Variants in LCN9 observed in about 807,000 individuals in gnomAD.
LCN9 encodes epididymal-specific lipocalin-9.
LCN9 carries 22 observed loss-of-function variants against 18.5 expected under a neutral mutation model. That is an observed-to-expected ratio of 1.19 (90% CI 0.85 to 1.70). LCN9 has a LOEUF of 1.70. Among genes scored for constraint, LCN9 ranks in the 40% most tolerant of loss-of-function variants. The pLI, the probability that LCN9 is intolerant of heterozygous loss-of-function variation, is 0.00. For synonymous variants in LCN9, 89 were observed against 83.0 expected, an observed-to-expected ratio of 1.07 and a Z score of -0.39; for missense variants, 202 against 201.3, an observed-to-expected ratio of 1.00 and a Z score of -0.02.
At chr9:135,666,080 T>G in exon 6 of LCN9, 6 of 1,599,414 alleles carry the variant, frequency 3.8e-6, no homozygotes, top group Non-Finnish European at 5.1e-6. Flanking sequence ...GTCGGGGCAG[T>G]GATGGGGCCT....
In LCN9 at chr9:135,664,672, G is replaced by A. The variant is rs758845902; in HGVS notation, c.234-50G>A. 3.3e-5 allele frequency: 49 copies of A among 1,498,030 alleles called. No individual in the cohort carries two copies. Among genetic ancestry groups the A allele is most frequent in the Admixed American group, 2.5e-4 (11 of 43,842 alleles). 92.8% of individuals were successfully genotyped at this position (1,498,030 alleles called of 1,614,324 possible). On this transcript the variant is annotated intron_variant, in intron 2 of 5. Transcript: ENST00000619315. The surrounding 1 kb of genome is among the most constrained non-coding windows in gnomAD (Gnocchi z 4.5). ...GGAGGGGTGCTCTCTGCCATCGCAC[G>A]TCCAGGGGGCTGGAGCTCCACTCCC...
Position 135,665,083 on chromosome 9 carries a change from G to GC in LCN9, c.308-157dup. ...GGAGGGGGCTGTGCCGCTGCTGCCC[G>GC]CCCCCTGTGCAGGGGTCTCCGCTGG... On this transcript the variant is annotated intron_variant, in intron 3 of 5. Coordinates refer to ENST00000619315, the Ensembl canonical transcript of LCN9. The surrounding 1 kb of genome is among the most constrained non-coding windows in gnomAD (Gnocchi z 5.9). 1 of 644,066 alleles carries GC rather than the reference G, an allele frequency of 1.6e-6. No homozygotes were observed. The highest frequency in any genetic ancestry group is 2.8e-6 in the Non-Finnish European group (1 of 362,414). 39.9% of individuals were successfully genotyped at this position (644,066 alleles called of 1,614,324 possible).
At position 135,665,584 on chromosome 9, in the gene LCN9, C is replaced by A; in HGVS notation, c.419-104C>A. The A allele has an allele frequency of 8.5e-7, 1 of 1,180,320 alleles. No individual in the cohort carries two copies. Among genetic ancestry groups the A allele is most frequent in the South Asian group, 1.4e-5 (1 of 72,520 alleles). 73.1% of individuals were successfully genotyped at this position (1,180,320 alleles called of 1,614,324 possible). ...TCTGGTCAGGGCGTGACCCCCTGCC[C>A]AGCCTCAGCACTTCCTGAGCACCCC... On this transcript the variant is annotated intron_variant, in intron 4 of 5. Coordinates refer to ENST00000619315, the Ensembl canonical transcript of LCN9. The surrounding 1 kb of genome is among the most constrained non-coding windows in gnomAD (Gnocchi z 5.9).
chr9:135,664,859 C>T lies in LCN9; in HGVS notation c.307+64C>T. ...GGGTCTCCTTTCTCCAGGGCCTGGG[C>T]CATATTCTGGTGAGCACTGACTCTG... On this transcript the variant is annotated intron_variant, in intron 3 of 5. Coordinates refer to ENST00000619315, the Ensembl canonical transcript of LCN9. The surrounding 1 kb of genome is among the most constrained non-coding windows in gnomAD (Gnocchi z 4.5). 6.7e-7 allele frequency: 1 copy of T among 1,488,838 alleles called. No homozygotes were observed. Among genetic ancestry groups the T allele is most frequent in the Non-Finnish European group, 9.1e-7 (1 of 1,094,454 alleles). 92.2% of individuals were successfully genotyped at this position (1,488,838 alleles called of 1,614,324 possible).
At chr9:135,666,288 G>C (rs565270420) in exon 6 of LCN9, 3 of 700,290 alleles carry the variant, frequency 4.3e-6, no homozygotes, top group Admixed American at 3.0e-5. Context: ...TGCCTCTTCC[G>C]GCTGCTGGGG....
rs1395626057 is a variant in LCN9, at chr9:135,663,899, G to A, written c.97-263G>A. ...CAGAGGGGGGACCTTGGGATCAAAG[G>A]GGGGATCTGGGGACATAGGGGAGAC... On this transcript the variant is annotated intron_variant, in intron 1 of 5. Transcript: ENST00000619315. 2.1e-5 allele frequency among the ~76,000 whole-genome samples: 3 copies of A among 141,878 alleles called. No homozygotes were observed. In the East Asian group the frequency reaches 6.3e-4, roughly 30 times the overall value. 93.1% of individuals were successfully genotyped at this position (141,878 alleles called of 152,430 possible).
At chr9:135,666,844 C>A (rs1834233593) in exon 6 of LCN9, among the ~76,000 whole-genome samples, 1 of 143,556 alleles carries the variant, frequency 7.0e-6, no homozygotes, top group Non-Finnish European at 1.5e-5. Flanking sequence ...CCCCTCCTGT[C>A]CCCTCCCTGG....
Position 135,665,805 on chromosome 9 carries a change from G to C in LCN9, c.*9+53G>C. 1 of 1,612,206 alleles carries C rather than the reference G, an allele frequency of 6.2e-7. No individual in the cohort carries two copies. The highest frequency in any genetic ancestry group is 8.5e-7 in the Non-Finnish European group (1 of 1,179,178). ...GGGAGCCGGGACAGGGTGGGGATGGGAGGTGTGCCTGCGGGGTCCCTGTCC... is the reference window on the plus strand; with the variant it reads ...GGGAGCCGGGACAGGGTGGGGATGGCAGGTGTGCCTGCGGGGTCCCTGTCC... On this transcript the variant is annotated intron_variant, in intron 5 of 5. Transcript: ENST00000619315. The surrounding 1 kb of genome is among the most constrained non-coding windows in gnomAD (Gnocchi z 5.9).
chr9:135,664,744 G>A lies in LCN9; in HGVS notation c.256G>A (p.Val86Met), dbSNP rs1442256984. 2 of 1,598,672 alleles carry A rather than the reference G, an allele frequency of 1.3e-6. No individual in the cohort carries two copies. Among genetic ancestry groups the A allele is most frequent in the Admixed American group, 1.7e-5 (1 of 57,562 alleles). Residue 86 changes from valine to methionine, a missense_variant, in exon 3 of 6, where the codon GTG (valine) becomes ATG (methionine). Transcript: ENST00000619315. The surrounding 1 kb of genome is among the most constrained non-coding windows in gnomAD (Gnocchi z 4.5). ...CAGGGTGCAGGGGGAGTGTGTGGCTGTGGTCGTGGTCTGCGAGAAGACAGA... is the reference window on the plus strand; with the variant it reads ...CAGGGTGCAGGGGGAGTGTGTGGCTATGGTCGTGGTCTGCGAGAAGACAGA...
At chr9:135,663,493 A>G in intron 1 of LCN9, 76 bp downstream of exon 1, 1 of 1,273,874 alleles carries the variant, frequency 7.9e-7, no homozygotes, top group South Asian at 1.2e-5. Flanking sequence ...GGGGTCTCTG[A>G]CCTGTGACCA....
rs770181894 is a variant in LCN9 at position 135,665,905 on chromosome 9, A to G, written c.*54A>G. 2 of 1,612,094 alleles carry G rather than the reference A, an allele frequency of 1.2e-6. No homozygotes were observed. The highest frequency in any genetic ancestry group is 1.7e-6 in the Non-Finnish European group (2 of 1,179,388). The stretch of plus-strand genomic sequence containing the variant: ...TTACAGGAGCCCGCCCAGGCCTCCC[A>G]TGCGTGAGCTGCGACTCGGGACGGG... On this transcript the variant is annotated 3_prime_UTR_variant, in exon 6 of 6. Transcript: ENST00000619315. This position sits in a 1 kb window ranked among gnomAD's most constrained non-coding sequence, Gnocchi z 5.9.
At chr9:135,666,160 C>T (rs1395389099) in exon 6 of LCN9, 2 of 1,571,216 alleles carry the variant, frequency 1.3e-6, no homozygotes, top group Non-Finnish European at 8.6e-7. Flanking sequence ...CTGATGTCAC[C>T]ATATGCGGGT....
chr9:135,663,405 C>A lies in LCN9; in HGVS notation c.84C>A (p.Tyr28Ter). The change falls in exon 1 of 6, where the codon TAC (tyrosine) becomes TAA (stop). Residue 28 changes from tyrosine to a stop codon, truncating the protein, a stop_gained. Coordinates refer to ENST00000619315, the Ensembl canonical transcript of LCN9. LOFTEE classifies it high-confidence loss of function. The stretch of plus-strand genomic sequence containing the variant: ...CCCACACCGTTATGCAGAGGAACTA[C>A]AACGTGGCCAGGGTGTGTCTGCGTT... 6.2e-7 allele frequency: 1 copy of A among 1,613,858 alleles called. No homozygotes were observed. Among genetic ancestry groups the A allele is most frequent in the African/African-American group, 1.3e-5 (1 of 75,044 alleles).
In LCN9 at chr9:135,664,403, C is replaced by T; in HGVS notation, c.233+105C>T. On this transcript the variant is annotated intron_variant, in intron 2 of 5. Transcript: ENST00000619315. This position sits in a 1 kb window ranked among gnomAD's most constrained non-coding sequence, Gnocchi z 4.5. ...ACACGCTCGCACACTCACTGACTTG[C>T]ACTCTGGTGAGAGCCTGAGCCTGTG... 1 of 1,433,712 alleles carries T rather than the reference C, an allele frequency of 7.0e-7. No homozygotes were observed. The highest frequency in any genetic ancestry group is 1.2e-5 in the South Asian group (1 of 80,806). The allele number at this position is 1,433,712 out of a possible 1,614,324, so 88.8% of individuals were successfully genotyped here.
At position 135,664,898 on chromosome 9, in the gene LCN9, A is replaced by G; in HGVS notation, c.307+103A>G. 2 of 1,225,446 alleles carry G rather than the reference A, an allele frequency of 1.6e-6. No homozygotes were observed. Among genetic ancestry groups the G allele is most frequent in the Non-Finnish European group, 2.3e-6 (2 of 871,712 alleles). 75.9% of individuals were successfully genotyped at this position (1,225,446 alleles called of 1,614,324 possible). On this transcript the variant is annotated intron_variant, in intron 3 of 5. Coordinates refer to ENST00000619315, the Ensembl canonical transcript of LCN9. This position sits in a 1 kb window ranked among gnomAD's most constrained non-coding sequence, Gnocchi z 4.5. Reference sequence around the variant, plus strand: ...GCACTGACTCTGGGGATTTTAGTTAAGCCCCTGACAGCTTGACCCTGAACT... The same window carrying G: ...GCACTGACTCTGGGGATTTTAGTTAGGCCCCTGACAGCTTGACCCTGAACT...
Position 135,664,440 on chromosome 9 carries a change from T to C in LCN9, c.233+142T>C, listed in dbSNP as rs1834183145. The C allele has an allele frequency of 8.8e-7, 1 of 1,139,534 alleles. No individual in the cohort carries two copies. Among genetic ancestry groups the C allele is most frequent in the Non-Finnish European group, 1.3e-6 (1 of 784,746 alleles). The allele number at this position is 1,139,534 out of a possible 1,614,324, so 70.6% of individuals were successfully genotyped here. A position where few individuals can be genotyped will look rare whatever the true frequency, so the allele number is the denominator to read the frequency against. On this transcript the variant is annotated intron_variant, in intron 2 of 5. Coordinates refer to ENST00000619315, the Ensembl canonical transcript of LCN9. This position sits in a 1 kb window ranked among gnomAD's most constrained non-coding sequence, Gnocchi z 4.5. ...AGCCTGAGCCTGTGCGTGTGACCCT[T>C]GGGGGCAGGGTGAGGTGGGAGCAGG...
At chr9:135,663,588 G>C (rs1225116680) in intron 1 of LCN9, among the ~76,000 whole-genome samples, 171 bp downstream of exon 1, 2 of 151,876 alleles carry the variant, frequency 1.3e-5, no homozygotes, top group East Asian at 3.9e-4. Flanking sequence ...CGGGAGGGTC[G>C]GGTGGGAGAG....
Position 135,665,894 on chromosome 9 carries a change from C to T in LCN9, c.*43C>T, listed in dbSNP as rs1467474914. 6.2e-7 allele frequency: 1 copy of T among 1,612,238 alleles called. No homozygotes were observed. The highest frequency in any genetic ancestry group is 8.5e-7 in the Non-Finnish European group (1 of 1,179,390). On this transcript the variant is annotated 3_prime_UTR_variant, in exon 6 of 6. Transcript: ENST00000619315. The surrounding 1 kb of genome is among the most constrained non-coding windows in gnomAD (Gnocchi z 5.9). ...TACTCCAAGCATTACAGGAGCCCGC[C>T]CAGGCCTCCCATGCGTGAGCTGCGA...
At position 135,664,343 on chromosome 9, in the gene LCN9, CT is replaced by C. The variant is rs1834181008; in HGVS notation, c.233+46del. On this transcript the variant is annotated intron_variant, in intron 2 of 5. Coordinates refer to ENST00000619315, the Ensembl canonical transcript of LCN9. The surrounding 1 kb of genome is among the most constrained non-coding windows in gnomAD (Gnocchi z 4.5). ...GCTGGCATCAGGAAGACCCATGCCCCTGCCACCCCAACGCATACTCTCACTC... is the reference window on the plus strand; with the variant it reads ...GCTGGCATCAGGAAGACCCATGCCCCGCCACCCCAACGCATACTCTCACTC... 3 of 1,610,266 alleles carry C rather than the reference CT, an allele frequency of 1.9e-6. No homozygotes were observed. Among genetic ancestry groups the C allele is most frequent in the Non-Finnish European group, 2.5e-6 (3 of 1,177,884 alleles).
Sources: allele counts gnomAD v4.1 joint callset (sites outside exome capture counted in the v4.1 genomes callset), GRCh38; gene constraint gnomAD v4.1.1; non-coding constraint Gnocchi (gnomAD v3.1); transcripts MANE v1.5; gene names NCBI Gene and HGNC (gene_info 2026-07-23, HGNC 2026-07-21).